CD8B: variants seen among roughly 807,000 people sequenced by gnomAD.
The protein encoded by CD8B is T-cell surface glycoprotein CD8 beta chain.
A neutral mutation model predicts 24.2 loss-of-function variants in CD8B; 6 were observed. The observed-to-expected ratio is 0.25, with a 90% CI of 0.14 to 0.49. The LOEUF is 0.49. Ranked by LOEUF, CD8B falls within the 20% of genes least tolerant of loss-of-function variation. CD8B has a pLI of 0.98. For missense variants in CD8B, 196 were observed against 271.3 expected, an observed-to-expected ratio of 0.72 and a Z score of 1.95; for synonymous variants, 84 against 108.3, an observed-to-expected ratio of 0.78 and a Z score of 1.39.
At chr2:86,860,234 C>A (rs1471889838) in intron 1 of CD8B, among the ~76,000 whole-genome samples, 2 of 152,268 alleles carry the variant, frequency 1.3e-5, no homozygotes, top group African/African-American at 4.8e-5. Context: ...TGCGCCACTG[C>A]ACTCCAGCCT....
At chr2:86,821,434 G>A (rs1440724360) in intron 5 of CD8B, among the ~76,000 whole-genome samples, 1 of 152,354 alleles carries the variant, frequency 6.6e-6, no homozygotes, top group Non-Finnish European at 1.5e-5. Context: ...GCGCCTGTGA[G>A]GCACTCAGCC....
At chr2:86,857,672 A>T (rs1676336217) in intron 2 of CD8B, among the ~76,000 whole-genome samples, 1 of 152,168 alleles carries the variant, frequency 6.6e-6, no homozygotes, top group Non-Finnish European at 1.5e-5. Context: ...GTGAGCCAAG[A>T]TCGCACCACT....
chr2:86,841,653 A>G lies in CD8B; in HGVS notation c.*654T>C. On this transcript the variant is annotated 3_prime_UTR_variant, in exon 6 of 6. Coordinates refer to ENST00000390655, the MANE Select transcript of CD8B (RefSeq NM_004931.5). The stretch of plus-strand genomic sequence containing the variant: ...GTATAAAACAAACAGAAAATGAAAG[A>G]AGCATTAAGCCATGGGAGAGTAGAA... 6 of 984,186 alleles carry G rather than the reference A, an allele frequency of 6.1e-6. No individual in the cohort carries two copies. Among genetic ancestry groups the G allele is most frequent in the Non-Finnish European group, 7.2e-6 (6 of 828,830 alleles). 61.0% of individuals were successfully genotyped at this position (984,186 alleles called of 1,614,324 possible).
At chr2:86,843,284 T>C (rs192895541) in intron 5 of CD8B, 35 of 157,342 alleles carry the variant, frequency 2.2e-4, no homozygotes, top group African/African-American at 7.7e-4. Context: ...TTAGTAGAGA[T>C]GGGGTTTCAC....
chr2:86,837,281 A>C (rs1232221920), downstream of CD8B, among the ~76,000 whole-genome samples: 2 of 152,240 alleles, frequency 1.3e-5, no homozygotes, highest in Non-Finnish European at 2.9e-5. Context: ...AGCAGGATCC[A>C]GGAGAGCCAA....
chr2:86,822,486 G>A, intron 5 of CD8B: 2 of 633,188 alleles, frequency 3.2e-6, no homozygotes, highest in Non-Finnish European at 5.5e-6. Context: ...ATAATTTTAG[G>A]CATTAACATG....
chr2:86,843,123 A>C (rs1293567586), intron 5 of CD8B, among the ~76,000 whole-genome samples: 2 of 151,634 alleles, frequency 1.3e-5, no homozygotes, highest in Non-Finnish European at 2.9e-5. Context: ...ACAGAGTTTC[A>C]CTCTTGTTGC....
downstream of CD8B, among the ~76,000 whole-genome samples, chr2:86,834,882 G>T (rs1440413481): frequency 6.8e-6 from 1 of 146,226 alleles, no homozygotes; most frequent in Non-Finnish European, 1.5e-5. Flanking sequence ...GTTGCAGTGA[G>T]CCAAGATCGT....
At chr2:86,843,301 G>A (rs1449281782) in intron 5 of CD8B, 1 of 157,472 alleles carries the variant, frequency 6.4e-6, no homozygotes, top group Non-Finnish European at 1.4e-5. Context: ...TCACCATGTT[G>A]GCCAGGCTGG....
intron 5 of CD8B, among the ~76,000 whole-genome samples, chr2:86,843,191 C>G (rs1473040495): frequency 6.6e-6 from 1 of 152,118 alleles, no homozygotes; most frequent in African/African-American, 2.4e-5. Context: ...CTCCGGGGTT[C>G]AAGTGATTCT....
intron 4 of CD8B, 125 bp from the exon 5 acceptor site, chr2:86,845,083 C>G (rs1675612836): frequency 7.6e-7 from 1 of 1,313,338 alleles, no homozygotes; most frequent in Non-Finnish European, 1.0e-6. Flanking sequence ...GTCCCAGACC[C>G]TGGCCCAAAC....
In CD8B at chr2:86,838,782, G is replaced by A. The variant is rs1014323370; in HGVS notation, c.*3525C>T. 2.3e-4 allele frequency among the ~76,000 whole-genome samples: 35 copies of A among 152,336 alleles called. 1 individual carries two copies. Among genetic ancestry groups the A allele is most frequent in the Admixed American group, 8.5e-4 (13 of 15,296 alleles). On this transcript the variant is annotated 3_prime_UTR_variant, in exon 6 of 6. Transcript: ENST00000390655. ...CTCCCAAAGTACTGGGATTACAGGC[G>A]TGAGCTGTAATCCCATGTGCTTGCT...
At chr2:86,836,993 C>CTAAATATAAATATAAAAATATAA (rs1306618356), downstream of CD8B, among the ~76,000 whole-genome samples, 11 of 152,044 alleles carry the variant, frequency 7.2e-5, no homozygotes, top group Non-Finnish European at 1.5e-4. Context: ...CCATCTCTAC[C>CTAAATATAAATATAAAAATATAA]AGAAATATAA....
rs1388113471 is a variant in CD8B, at chr2:86,853,008, TCTG to T, written c.479_481del (p.Pro160_Glu161delinsGln). On this transcript the variant is annotated inframe_deletion, in exon 3 of 6. Transcript: ENST00000390655. ...GATAGGGAACTCACCCTTCTGGGTC[TCTG>T]GCCTGGGTAACCGGCACACTCTCTT... 4.6e-6 allele frequency: 7 copies of T among 1,536,166 alleles called. No homozygotes were observed. In the African/African-American group the frequency reaches 9.8e-5, roughly 21 times the overall value.
Position 86,838,612 on chromosome 2 carries a change from C to T in CD8B, c.*3695G>A, listed in dbSNP as rs1269794661. Among the ~76,000 whole-genome samples, 1 of 152,138 alleles carries T rather than the reference C, an allele frequency of 6.6e-6. No individual in the cohort carries two copies. Among genetic ancestry groups the T allele is most frequent in the Non-Finnish European group, 1.5e-5 (1 of 68,032 alleles). Reference sequence around the variant, plus strand: ...CTCCTGGGGTCAGGAGATCCTCCCACCTCATCCTCCCTAATAGCTGGGACT... The same window carrying T: ...CTCCTGGGGTCAGGAGATCCTCCCATCTCATCCTCCCTAATAGCTGGGACT... On this transcript the variant is annotated 3_prime_UTR_variant, in exon 6 of 6. Transcript: ENST00000390655.
chr2:86,821,635 A>AT, intron 5 of CD8B: 1 of 328,234 alleles, frequency 3.0e-6, no homozygotes, highest in Non-Finnish European at 6.7e-6. Context: ...GGGGGCCTCC[A>AT]TAACTGAGAG....
At chr2:86,857,998 C>A in intron 2 of CD8B, 59 bp downstream of exon 2, 1 of 1,571,530 alleles carries the variant, frequency 6.4e-7, no homozygotes. Flanking sequence ...GGTCCCAGTG[C>A]CTGGCACGTG....
intron 5 of CD8B, among the ~76,000 whole-genome samples, chr2:86,843,958 G>A (rs1376506727): frequency 6.6e-6 from 1 of 152,192 alleles, no homozygotes; most frequent in African/African-American, 2.4e-5. Flanking sequence ...TTAGAGTTGT[G>A]TACTTTTGCT....
chr2:86,838,074 A>G (rs1675250899), downstream of CD8B, among the ~76,000 whole-genome samples: 2 of 152,154 alleles, frequency 1.3e-5, no homozygotes, highest in Admixed American at 1.3e-4. Context: ...CGTGATTTCC[A>G]TGGTTCAGAT....
Sources: gnomAD v4.1 joint callset for allele counts (sites outside exome capture counted in the v4.1 genomes callset) on GRCh38, gnomAD v4.1.1 for gene constraint, MANE v1.5 for transcripts, NCBI Gene and HGNC (gene_info 2026-07-23, HGNC 2026-07-21) for gene names.